LEMD1: variants seen among roughly 807,000 people sequenced by gnomAD.
LEMD1 encodes the protein LEM domain containing 1.
LEMD1 carries 18 observed loss-of-function variants against 17.4 expected under a neutral mutation model. The observed-to-expected ratio is 1.04, with a 90% CI of 0.72 to 1.54. The LOEUF (loss-of-function observed/expected upper bound fraction) is 1.54. LEMD1 is among the 40% of genes most tolerant of loss of function. The pLI, the probability that LEMD1 is intolerant of heterozygous loss-of-function variation, is 0.00. For synonymous variants in LEMD1, 88 were observed against 77.8 expected (o/e 1.13, Z -0.69); for missense variants, 195 against 210.4 (o/e 0.93, Z 0.45).
intron 4 of LEMD1, among the ~76,000 whole-genome samples, chr1:205,396,866 C>G (rs555745388): frequency 5.3e-5 from 8 of 152,314 alleles, no homozygotes; most frequent in African/African-American, 1.7e-4. Flanking sequence ...GCTGATTCAG[C>G]AATGATTTAT....
At chr1:205,444,072 T>C (rs1284216099) in intron 1 of LEMD1, among the ~76,000 whole-genome samples, 1 of 152,032 alleles carries the variant, frequency 6.6e-6, no homozygotes, top group Non-Finnish European at 1.5e-5. Context: ...GAGTCTGGAC[T>C]AGCACCTGGG....
At chr1:205,427,484 TGAGAGAGA>T (rs3973968) in intron 1 of LEMD1, among the ~76,000 whole-genome samples, 1 of 147,348 alleles carries the variant, frequency 6.8e-6, no homozygotes, top group African/African-American at 2.5e-5. Flanking sequence ...AAAGAACATT[TGAGAGAGA>T]GAGAGAGAGA....
chr1:205,420,414 T>A (rs1402680205), intron 2 of LEMD1, 41 bp downstream of exon 2: 1 of 1,454,616 alleles, frequency 6.9e-7, no homozygotes, highest in Non-Finnish European at 9.7e-7. Context: ...TTATAAACCA[T>A]AAATGACAAG....
Position 205,384,434 on chromosome 1 carries a change from A to G in LEMD1, c.271-70T>C, listed in dbSNP as rs972227198. ...TCTTATACAAATAACCTTGGTTTTT[A>G]TTCTAGAAAAAGTCACATAATATGC... On this transcript the variant is annotated intron_variant, in intron 4 of 5. Transcript: ENST00000367153. The G allele has an allele frequency of 9.7e-6, 10 of 1,033,874 alleles. No homozygotes were observed. In the East Asian group the frequency reaches 3.2e-4, roughly 33 times the overall value. 64.0% of individuals were successfully genotyped at this position (1,033,874 alleles called of 1,614,324 possible).
rs115777651 is a variant in LEMD1 at position 205,382,315 on chromosome 1, G to A, written c.348-459C>T. On this transcript the variant is annotated intron_variant, in intron 5 of 5. Transcript: ENST00000367153. ...ATATAAAAATTAGCTGGGCATGGAG[G>A]CTGAGATGGGAGAATCAGTTGAGCC... 1.5e-3 allele frequency among the ~76,000 whole-genome samples: 230 copies of A among 152,076 alleles called. 1 individual carries two copies. The highest frequency in any genetic ancestry group is 5.0e-3 in the African/African-American group (209 of 41,534).
chr1:205,427,484 TGA>T (rs3973968), intron 1 of LEMD1, among the ~76,000 whole-genome samples: 4,090 of 147,282 alleles, frequency 0.028, 77 homozygotes, highest in African/African-American at 0.049. Flanking sequence ...AAAGAACATT[TGA>T]GAGAGAGAGA....
chr1:205,411,147 A>AGGAAG (rs200133992), intron 4 of LEMD1, among the ~76,000 whole-genome samples: 1 of 147,828 alleles, frequency 6.8e-6, no homozygotes, highest in Admixed American at 7.3e-5. Context: ...GAAGGAAGGA[A>AGGAAG]AAAGAAAGAA....
At chr1:205,430,932 C>G (rs1418125227) in intron 1 of LEMD1, among the ~76,000 whole-genome samples, 9 of 152,212 alleles carry the variant, frequency 5.9e-5, no homozygotes, top group Admixed American at 5.9e-4. Context: ...CACACTTCCC[C>G]TCACCCCTCG....
intron 5 of LEMD1, among the ~76,000 whole-genome samples, chr1:205,383,077 T>C (rs1663801357): frequency 6.6e-6 from 1 of 152,210 alleles, no homozygotes; most frequent in African/African-American, 2.4e-5. Context: ...TGAGGGTATA[T>C]GTAATTTTAT....
Position 205,420,573 on chromosome 1 carries a change from T to A in LEMD1, c.-37A>T. On this transcript the variant is annotated splice_region_variant and 5_prime_UTR_variant, in exon 2 of 6. Coordinates refer to ENST00000367153, the MANE Select transcript of LEMD1 (RefSeq NM_001199050.2). ...TTTGGCCTCTTTTCTGATGGTAGAA[T>A]CCTTGAAATAACAAAACATTAAATT... The A allele has an allele frequency of 6.9e-7, 1 of 1,455,510 alleles. No homozygotes were observed. Among genetic ancestry groups the A allele is most frequent in the East Asian group, 2.3e-5 (1 of 44,168 alleles). 90.2% of individuals were successfully genotyped at this position (1,455,510 alleles called of 1,614,324 possible).
chr1:205,412,283 T>C (rs981457553), intron 4 of LEMD1, among the ~76,000 whole-genome samples: 8 of 152,064 alleles, frequency 5.3e-5, no homozygotes, highest in African/African-American at 1.9e-4. Flanking sequence ...CCGTTATTGG[T>C]AACATAAGCT....
chr1:205,444,056 G>C (rs1031486553), intron 1 of LEMD1, among the ~76,000 whole-genome samples: 1 of 152,062 alleles, frequency 6.6e-6, no homozygotes, highest in Non-Finnish European at 1.5e-5. Context: ...TCTATTTGAG[G>C]GGGAGGAGTC....
intron 4 of LEMD1, among the ~76,000 whole-genome samples, chr1:205,388,765 A>T (rs1049846888): frequency 1.3e-5 from 2 of 152,226 alleles, no homozygotes; most frequent in Non-Finnish European, 2.9e-5. Context: ...TTTCCTACGG[A>T]AGTAACATTT....
At chr1:205,401,465 T>TTTGGCTG (rs371232992) in intron 4 of LEMD1, among the ~76,000 whole-genome samples, 45,153 of 150,652 alleles carry the variant, frequency 0.3, 6,635 homozygotes, top group African/African-American at 0.37. Context: ...GAGCATTTTT[T>TTTGGCTG]CATGTGTCTT....
At chr1:205,416,901 CAGTT>C (rs1665720941) in intron 3 of LEMD1, among the ~76,000 whole-genome samples, 1 of 152,158 alleles carries the variant, frequency 6.6e-6, no homozygotes, top group African/African-American at 2.4e-5. Flanking sequence ...ACAAGACAGT[CAGTT>C]AGTGAAAATG....
At position 205,416,247 on chromosome 1, in the gene LEMD1, G is replaced by A; in HGVS notation, c.255C>T (p.Ser85=). 2 of 1,546,138 alleles carry A rather than the reference G, an allele frequency of 1.3e-6. No homozygotes were observed. Among genetic ancestry groups the A allele is most frequent in the South Asian group, 2.4e-5 (2 of 83,824 alleles). ...TGGTACATACTTTTTTGAGTTTCTT[G>A]CTTTTTTCTGTTGAGAGTATGATAT... is the stretch of plus-strand genomic sequence containing the variant. ...QGNIILSTEK[S]KKLKKWPEAS... The change falls in exon 4 of 6, where the codon AGC becomes AGT. Residue 85 remains serine (S), a synonymous_variant. Transcript: ENST00000367153.
rs374042776 is a variant in LEMD1 at position 205,388,090 on chromosome 1, A to G, written c.271-3726T>C. On this transcript the variant is annotated intron_variant, in intron 4 of 5. Coordinates refer to ENST00000367153, the MANE Select transcript of LEMD1 (RefSeq NM_001199050.2). ...GCTAAGAGCCCCACAGTCCCTGCCC[A>G]TAATCACCACATGGTACTGCAGCAT... 9.0e-4 allele frequency among the ~76,000 whole-genome samples: 137 copies of G among 152,370 alleles called. 1 individual carries two copies. The highest frequency in any genetic ancestry group is 3.2e-3 in the African/African-American group (134 of 41,592).
chr1:205,439,363 A>G (rs1666257007), intron 1 of LEMD1, among the ~76,000 whole-genome samples: 1 of 152,182 alleles, frequency 6.6e-6, no homozygotes, highest in South Asian at 2.1e-4. Context: ...GGGTTGGAGG[A>G]TGGGAGGAGG....
At position 205,420,444 on chromosome 1, in the gene LEMD1, A is replaced by G; in HGVS notation, c.82+11T>C. On this transcript the variant is annotated intron_variant, in intron 2 of 5. Transcript: ENST00000367153. ...GACAAGTCTGTAATATTTGCTGCAT[A>G]CTGTACATACGTAGTATTGGGCCAG... The G allele has an allele frequency of 2.5e-6, 4 of 1,603,194 alleles. No individual in the cohort carries two copies. The highest frequency in any genetic ancestry group is 3.4e-6 in the Non-Finnish European group (4 of 1,170,310).
Sources: gnomAD v4.1 joint callset for allele counts (sites outside exome capture counted in the v4.1 genomes callset) on GRCh38, gnomAD v4.1.1 for gene constraint, MANE v1.5 for transcripts, NCBI Gene and HGNC (gene_info 2026-07-23, HGNC 2026-07-21) for gene names.